LHFPL3: variants seen among roughly 807,000 people sequenced by gnomAD.
LHFPL3 encodes the protein LHFPL tetraspan subfamily member 3.
A neutral mutation model predicts 19.3 loss-of-function variants in LHFPL3; 5 were observed. The observed-to-expected ratio is 0.26, with a 90% CI of 0.14 to 0.54. The LOEUF is 0.54. Ranked by LOEUF, LHFPL3 falls within the 20% of genes least tolerant of loss-of-function variation. LHFPL3 has a pLI of 0.94. For synonymous variants in LHFPL3, 133 were observed against 126.2 expected, an observed-to-expected ratio of 1.05 and a Z score of -0.36; for missense variants, 249 against 307.4, an observed-to-expected ratio of 0.81 and a Z score of 1.42.
At chr7:104,587,114 T>C (rs796091125) in intron 1 of LHFPL3, among the ~76,000 whole-genome samples, 1 of 152,212 alleles carries the variant, frequency 6.6e-6, no homozygotes, top group South Asian at 2.1e-4. Context: ...ATTTTTATTT[T>C]ATGTATTTAT....
chr7:104,838,010 A>G (rs1050890341), intron 2 of LHFPL3, among the ~76,000 whole-genome samples: 2 of 152,074 alleles, frequency 1.3e-5, no homozygotes, highest in African/African-American at 4.8e-5. Context: ...AGTCTTACCC[A>G]CTCTACTTAG....
At chr7:104,695,461 T>G (rs186674488) in intron 1 of LHFPL3, among the ~76,000 whole-genome samples, 1 of 152,328 alleles carries the variant, frequency 6.6e-6, no homozygotes, top group East Asian at 1.9e-4. Context: ...GTCTCCCAGT[T>G]TTTTGGATCC....
At chr7:104,664,697 C>G (rs979316291) in intron 1 of LHFPL3, among the ~76,000 whole-genome samples, 6 of 152,146 alleles carry the variant, frequency 3.9e-5, no homozygotes, top group Admixed American at 3.9e-4. Flanking sequence ...TAGATTTGAC[C>G]CACAGTCTAC....
chr7:104,454,700 C>G (rs1562902490), intron 1 of LHFPL3, among the ~76,000 whole-genome samples: 1 of 152,044 alleles, frequency 6.6e-6, no homozygotes, highest in Non-Finnish European at 1.5e-5. Flanking sequence ...AGTACCTGGC[C>G]CAAGTCCCTC....
intron 1 of LHFPL3, among the ~76,000 whole-genome samples, chr7:104,653,486 G>C (rs185015884): frequency 6.6e-6 from 1 of 152,188 alleles, no homozygotes; most frequent in Non-Finnish European, 1.5e-5. Flanking sequence ...CTCTGTAAGA[G>C]ACCAGATAGT....
At chr7:104,894,739 C>T (rs1388159443) in intron 2 of LHFPL3, 1 of 152,206 alleles carries the variant, frequency 6.6e-6, no homozygotes, top group African/African-American at 2.4e-5. Context: ...CTCTCTGTCT[C>T]CCTAAAGAGG....
At chr7:104,540,334 A>G (rs536888567) in intron 1 of LHFPL3, among the ~76,000 whole-genome samples, 1 of 152,310 alleles carries the variant, frequency 6.6e-6, no homozygotes, top group Non-Finnish European at 1.5e-5. Flanking sequence ...GTTCTCAACC[A>G]AAGCTGATTT....
chr7:104,364,697 G>C (rs1790452203), intron 1 of LHFPL3, among the ~76,000 whole-genome samples: 1 of 152,214 alleles, frequency 6.6e-6, no homozygotes. Flanking sequence ...ACTCTAGCAA[G>C]AACACATTGT....
At chr7:104,886,509 C>T (rs12111933) in intron 2 of LHFPL3, among the ~76,000 whole-genome samples, 2 of 152,096 alleles carry the variant, frequency 1.3e-5, no homozygotes, top group African/African-American at 2.4e-5. Context: ...GGATTACAGG[C>T]GCCCACCACC....
chr7:104,372,180 TC>T (rs1790629900), intron 1 of LHFPL3, among the ~76,000 whole-genome samples: 1 of 152,182 alleles, frequency 6.6e-6, no homozygotes, highest in African/African-American at 2.4e-5. Flanking sequence ...TGCTCATGTA[TC>T]CACCCACAAT....
intron 1 of LHFPL3, among the ~76,000 whole-genome samples, chr7:104,603,511 T>C (rs1177630516): frequency 6.6e-6 from 1 of 152,172 alleles, no homozygotes; most frequent in Non-Finnish European, 1.5e-5. Flanking sequence ...CCCAAAAGTC[T>C]TAACTTGTTC....
chr7:104,617,613 T>C (rs1409325367), intron 1 of LHFPL3, among the ~76,000 whole-genome samples: 2 of 152,226 alleles, frequency 1.3e-5, no homozygotes, highest in African/African-American at 4.8e-5. Context: ...TTCAGATATT[T>C]CCAGATGCCT....
At chr7:104,608,574 C>G (rs913457934) in intron 1 of LHFPL3, among the ~76,000 whole-genome samples, 7 of 151,368 alleles carry the variant, frequency 4.6e-5, no homozygotes, top group South Asian at 2.1e-4. Context: ...TGCAGTACAC[C>G]AACATGGCAC....
At chr7:104,529,559 A>C (rs28507386) in intron 1 of LHFPL3, among the ~76,000 whole-genome samples, 2,455 of 152,312 alleles carry the variant, frequency 0.016, 69 homozygotes, top group African/African-American at 0.056. Flanking sequence ...ACGTATGTCA[A>C]ATATTGGCCA....
intron 1 of LHFPL3, among the ~76,000 whole-genome samples, chr7:104,711,124 A>G (rs954663460): frequency 6.6e-6 from 1 of 152,164 alleles, no homozygotes; most frequent in East Asian, 1.9e-4. Context: ...CATATGTGTC[A>G]AATGGCAAAA....
chr7:104,734,505 T>C (rs1213144275), intron 1 of LHFPL3, among the ~76,000 whole-genome samples: 1 of 152,276 alleles, frequency 6.6e-6, no homozygotes, highest in Non-Finnish European at 1.5e-5. Flanking sequence ...TTCCAGTTGA[T>C]TGAATCAGCT....
intron 2 of LHFPL3, among the ~76,000 whole-genome samples, chr7:104,850,618 T>G (rs1480817568): frequency 1.3e-5 from 2 of 152,252 alleles, no homozygotes; most frequent in Admixed American, 6.5e-5. Flanking sequence ...ATTGTTTTAA[T>G]TGTTCCAAAC....
At chr7:104,548,527 T>A (rs1794611006) in intron 1 of LHFPL3, among the ~76,000 whole-genome samples, 1 of 152,184 alleles carries the variant, frequency 6.6e-6, no homozygotes, top group African/African-American at 2.4e-5. Flanking sequence ...GGAAGATTCT[T>A]GGGATATACT....
At chr7:104,816,805 ACTC>A (rs2116513681) in intron 2 of LHFPL3, among the ~76,000 whole-genome samples, 1 of 151,818 alleles carries the variant, frequency 6.6e-6, no homozygotes, top group Admixed American at 6.6e-5. Flanking sequence ...GCCTGACTTA[ACTC>A]CTCCCTGCTG....
Sources: allele counts gnomAD v4.1 joint callset (sites outside exome capture counted in the v4.1 genomes callset), GRCh38; gene constraint gnomAD v4.1.1; transcripts MANE v1.5; gene names NCBI Gene and HGNC (gene_info 2026-07-23, HGNC 2026-07-21).